BCAS3: variants seen among roughly 807,000 people sequenced by gnomAD.
BCAS3 encodes BCAS3 microtubule associated cell migration factor, also known as BCAS4/BCAS3 fusion.
In BCAS3, 53 loss-of-function variants were observed where a neutral mutation model predicts 116.1. The observed-to-expected ratio is 0.46, with a 90% CI of 0.37 to 0.57. BCAS3 has a LOEUF of 0.57. Ranked by LOEUF, BCAS3 falls within the 20% of genes least tolerant of loss-of-function variation. The pLI is 0.00. For missense variants in BCAS3, 917 were observed against 1,165.4 expected (o/e 0.79, Z 3.10); for synonymous variants, 391 against 408.2 (o/e 0.96, Z 0.51).
Position 61,208,933 on chromosome 17 carries a change from A to ATT in BCAS3, c.2425+124371_2425+124372dup, listed in dbSNP as rs1198683586. Among the ~76,000 whole-genome samples the ATT allele has an allele frequency of 1.3e-5, 2 of 151,816 alleles. No homozygotes were observed. The highest frequency in any genetic ancestry group is 1.3e-4 in the Admixed American group (2 of 15,238). On this transcript the variant is annotated intron_variant, in intron 22 of 23. Transcript: ENST00000407086. The surrounding 1 kb of genome is among the most constrained non-coding windows in gnomAD (Gnocchi z 4.5). ...CTTGTGTAGCTCAGATCCTTTGGGT[A>ATT]TTTAATGTACAGTTTCAGCAAAAGA...
chr17:61,071,226 A>C (rs2143424320), intron 19 of BCAS3, among the ~76,000 whole-genome samples: 1 of 152,360 alleles, frequency 6.6e-6, no homozygotes, highest in Non-Finnish European at 1.5e-5. Context: ...TAGCTAACTT[A>C]ATCTCATAAT....
rs1462206880 is a variant in BCAS3, at chr17:61,088,147, A to C, written c.2425+3583A>C. ...CAGTGAGCTGAGATTGCACCAGTGC[A>C]CTCTAGCCTGGGTGACCGAGCAAGG... On this transcript the variant is annotated intron_variant, in intron 22 of 23. Transcript: ENST00000407086. The surrounding 1 kb of genome is among the most constrained non-coding windows in gnomAD (Gnocchi z 4.2). Among the ~76,000 whole-genome samples, 4 of 152,210 alleles carry C rather than the reference A, an allele frequency of 2.6e-5. No individual in the cohort carries two copies.
At position 61,286,360 on chromosome 17, in the gene BCAS3, C is replaced by G. The variant is rs1202594385; in HGVS notation, c.2426-81967C>G. ...GAGGTTGCTGGGTTTATACTGATGTCTGCGCCCACTCCTGTGCTGGTGAAG... is the reference window on the plus strand; with the variant it reads ...GAGGTTGCTGGGTTTATACTGATGTGTGCGCCCACTCCTGTGCTGGTGAAG... On this transcript the variant is annotated intron_variant, in intron 22 of 23. Coordinates refer to ENST00000407086, the MANE Select transcript of BCAS3 (RefSeq NM_017679.5). The surrounding 1 kb of genome is among the most constrained non-coding windows in gnomAD (Gnocchi z 4.8). Among the ~76,000 whole-genome samples the G allele has an allele frequency of 6.6e-6, 1 of 152,218 alleles. No individual in the cohort carries two copies. Among genetic ancestry groups the G allele is most frequent in the Non-Finnish European group, 1.5e-5 (1 of 68,042 alleles).
intron 22 of BCAS3, among the ~76,000 whole-genome samples, chr17:61,304,433 T>C (rs2144753361): frequency 6.6e-6 from 1 of 152,356 alleles, no homozygotes; most frequent in Admixed American, 6.5e-5. Context: ...CCACCAGATT[T>C]CTTGTAGTTA....
Position 61,004,930 on chromosome 17 carries a change from C to T in BCAS3, c.1487-10821C>T, listed in dbSNP as rs938603596. On this transcript the variant is annotated intron_variant, in intron 15 of 23. Transcript: ENST00000407086. The surrounding 1 kb of genome is among the most constrained non-coding windows in gnomAD (Gnocchi z 4.8). ...TTAATTAATGTTCAATAATATTTCA[C>T]TCTGGTCTAGTTTTGGAGCAGATTG... Among the ~76,000 whole-genome samples, 2 of 152,080 alleles carry T rather than the reference C, an allele frequency of 1.3e-5. No homozygotes were observed. The highest frequency in any genetic ancestry group is 3.2e-3 in the Middle Eastern group (1 of 316).
At chr17:60,817,855 ATTT>A (rs199501753) in intron 7 of BCAS3, among the ~76,000 whole-genome samples, 2 of 143,316 alleles carry the variant, frequency 1.4e-5, no homozygotes. Context: ...AAGCAAAATA[ATTT>A]TTTTTTTTTT....
At position 61,104,849 on chromosome 17, in the gene BCAS3, G is replaced by A. The variant is rs75351860; in HGVS notation, c.2425+20285G>A. 4.9e-4 allele frequency among the ~76,000 whole-genome samples: 75 copies of A among 152,350 alleles called. No individual in the cohort carries two copies. Among genetic ancestry groups the A allele is most frequent in the Admixed American group, 5.9e-4 (9 of 15,304 alleles). On this transcript the variant is annotated intron_variant, in intron 22 of 23. Coordinates refer to ENST00000407086, the MANE Select transcript of BCAS3 (RefSeq NM_017679.5). The surrounding 1 kb of genome is among the most constrained non-coding windows in gnomAD (Gnocchi z 4.1). ...AAAAGTAAGCCCAGTAAACCTAAGCGTTGGATGGTTCTGCAAGTAACCACT... is the reference window on the plus strand; with the variant it reads ...AAAAGTAAGCCCAGTAAACCTAAGCATTGGATGGTTCTGCAAGTAACCACT...
chr17:61,306,127 A>G (rs1236865088), intron 22 of BCAS3, among the ~76,000 whole-genome samples: 6 of 152,218 alleles, frequency 3.9e-5, no homozygotes, highest in African/African-American at 1.4e-4. Flanking sequence ...TGAGAAAAAC[A>G]TGATAAAGCC....
In BCAS3 at chr17:60,990,527, C is replaced by T. The variant is rs117071597; in HGVS notation, c.1486+292C>T. On this transcript the variant is annotated intron_variant, in intron 15 of 23. Transcript: ENST00000407086. This position sits in a 1 kb window ranked among gnomAD's most constrained non-coding sequence, Gnocchi z 5.1. Reference sequence around the variant, plus strand: ...TTTATAACTTCAGAGAACTGAACATCCTTTTTACTTATCTCTTCCAGAACA... The same window carrying T: ...TTTATAACTTCAGAGAACTGAACATTCTTTTTACTTATCTCTTCCAGAACA... Among the ~76,000 whole-genome samples the T allele has an allele frequency of 2.9e-3, 447 of 152,180 alleles. 2 individuals carry two copies. Among genetic ancestry groups the T allele is most frequent in the Non-Finnish European group, 4.6e-3 (316 of 68,016 alleles).
At chr17:60,978,824 G>A (rs200747830) in intron 14 of BCAS3, among the ~76,000 whole-genome samples, 17 of 141,828 alleles carry the variant, frequency 1.2e-4, no homozygotes, top group East Asian at 8.2e-4. Flanking sequence ...GATATGCGGC[G>A]TTATTTCTGA....
chr17:60,865,376 G>A (rs1224618657), intron 7 of BCAS3, among the ~76,000 whole-genome samples: 1 of 152,142 alleles, frequency 6.6e-6, no homozygotes, highest in Non-Finnish European at 1.5e-5. Flanking sequence ...TCAGTTTGGG[G>A]AGACTTGCCA....
chr17:61,262,757 A>G (rs1466616331), intron 22 of BCAS3, among the ~76,000 whole-genome samples: 1 of 146,330 alleles, frequency 6.8e-6, no homozygotes, highest in African/African-American at 2.5e-5. Flanking sequence ...CAATGGCACT[A>G]TCTTGACTCA....
At chr17:60,741,182 G>A (rs181226619) in intron 5 of BCAS3, among the ~76,000 whole-genome samples, 166 of 152,226 alleles carry the variant, frequency 1.1e-3, no homozygotes, top group African/African-American at 3.8e-3. Flanking sequence ...AATTTTTGGG[G>A]CAGCAGTTTG....
chr17:61,017,265 A>G lies in BCAS3; in HGVS notation c.1637+1364A>G, dbSNP rs2065522812. On this transcript the variant is annotated intron_variant, in intron 16 of 23. Coordinates refer to ENST00000407086, the MANE Select transcript of BCAS3 (RefSeq NM_017679.5). This position sits in a 1 kb window ranked among gnomAD's most constrained non-coding sequence, Gnocchi z 4.7. The stretch of plus-strand genomic sequence containing the variant: ...CAATTAGGTTATTTTTTCATTGTAT[A>G]TTACATTCCTGGGATGTAGAATCAA... 1.3e-5 allele frequency among the ~76,000 whole-genome samples: 2 copies of G among 152,106 alleles called. No individual in the cohort carries two copies. Among genetic ancestry groups the G allele is most frequent in the African/African-American group, 4.8e-5 (2 of 41,416 alleles).
intron 14 of BCAS3, among the ~76,000 whole-genome samples, chr17:60,972,252 C>A (rs546992517): frequency 6.6e-6 from 1 of 152,170 alleles, no homozygotes. Context: ...ACTAAAGGGT[C>A]CCACCATTTT....
chr17:61,069,110 C>T (rs981074580), intron 19 of BCAS3, among the ~76,000 whole-genome samples: 1 of 151,248 alleles, frequency 6.6e-6, no homozygotes, highest in South Asian at 2.1e-4. Context: ...AACAAAAAAC[C>T]AAAGAAGTGA....
At chr17:60,871,262 T>C (rs1051550756) in intron 8 of BCAS3, among the ~76,000 whole-genome samples, 1 of 152,200 alleles carries the variant, frequency 6.6e-6, no homozygotes, top group Non-Finnish European at 1.5e-5. Flanking sequence ...ACTCCCAAGC[T>C]GAAGCAATCC....
chr17:60,730,593 C>T (rs2040362663), intron 5 of BCAS3, among the ~76,000 whole-genome samples: 1 of 152,040 alleles, frequency 6.6e-6, no homozygotes, highest in Non-Finnish European at 1.5e-5. Context: ...AACTTGTTCC[C>T]CTCTTCCTCC....
chr17:61,096,411 G>A (rs191225178), intron 22 of BCAS3, among the ~76,000 whole-genome samples: 52 of 152,166 alleles, frequency 3.4e-4, no homozygotes, highest in Admixed American at 2.6e-3. Context: ...TTTTAAATTA[G>A]CTGAGTATGG....
Sources: allele counts gnomAD v4.1 joint callset (sites outside exome capture counted in the v4.1 genomes callset), GRCh38; gene constraint gnomAD v4.1.1; non-coding constraint Gnocchi (gnomAD v3.1); transcripts MANE v1.5; gene names NCBI Gene and HGNC (gene_info 2026-07-23, HGNC 2026-07-21).